The following ITGAV variants were observed in gnomAD, a reference collection of about 807,000 sequenced individuals.
ITGAV encodes integrin subunit alpha V.
Under a neutral mutation model 143.8 loss-of-function variants are expected in ITGAV, and 76 were observed. That is an observed-to-expected ratio of 0.53 (90% CI 0.44 to 0.64). The LOEUF is 0.64. Among genes scored for constraint, ITGAV ranks in the 30% least tolerant of loss-of-function variants. The probability of loss-of-function intolerance (pLI) is 0.00; values close to 1 mark genes in which losing one functional copy is unlikely to be tolerated. For synonymous variants in ITGAV, 453 were observed against 446.7 expected (o/e 1.01, Z -0.18); for missense variants, 1,193 against 1,274.7 (o/e 0.94, Z 0.98).
At chr2:186,652,699 A>G (rs1009408510) in intron 15 of ITGAV, among the ~76,000 whole-genome samples, 1 of 152,222 alleles carries the variant, frequency 6.6e-6, no homozygotes, top group Non-Finnish European at 1.5e-5. Context: ...ATGAACACTT[A>G]CATTTTTAAA....
At chr2:186,598,870 G>A (rs186775913) in intron 1 of ITGAV, among the ~76,000 whole-genome samples, 8 of 152,268 alleles carry the variant, frequency 5.3e-5, no homozygotes, top group Admixed American at 5.2e-4. Context: ...ATTAAATAGG[G>A]CGTGGTTTGG....
chr2:186,595,898 A>C (rs1482315481), intron 1 of ITGAV, among the ~76,000 whole-genome samples: 1 of 152,184 alleles, frequency 6.6e-6, no homozygotes, highest in Non-Finnish European at 1.5e-5. Flanking sequence ...GAAATGTTTA[A>C]GCTGGCTTTT....
intron 2 of ITGAV, among the ~76,000 whole-genome samples, chr2:186,603,424 A>C (rs143121974): frequency 1.3e-5 from 2 of 152,234 alleles, no homozygotes; most frequent in African/African-American, 4.8e-5. Context: ...CCAGCTGTTA[A>C]TGGGAACCAG....
chr2:186,632,111 C>T (rs1687829078), intron 5 of ITGAV, among the ~76,000 whole-genome samples: 1 of 151,880 alleles, frequency 6.6e-6, no homozygotes, highest in Non-Finnish European at 1.5e-5. Flanking sequence ...TTATAGTTAA[C>T]TCTTCTTACT....
At chr2:186,625,311 G>A (rs1413684843) in intron 3 of ITGAV, among the ~76,000 whole-genome samples, 162 bp from the exon 4 acceptor site, 2 of 152,156 alleles carry the variant, frequency 1.3e-5, no homozygotes, top group Admixed American at 1.3e-4. Flanking sequence ...GTTCAAGGCT[G>A]CAGTGAGCCA....
intron 1 of ITGAV, among the ~76,000 whole-genome samples, chr2:186,595,877 A>G (rs1431115069): frequency 2.0e-5 from 3 of 152,178 alleles, no homozygotes; most frequent in Non-Finnish European, 4.4e-5. Flanking sequence ...CCACCTCGCC[A>G]CCATTGATAA....
intron 28 of ITGAV, 42 bp from the exon 29 acceptor site, chr2:186,676,771 C>T (rs766420619): frequency 6.3e-7 from 1 of 1,593,082 alleles, no homozygotes; most frequent in African/African-American, 1.4e-5. Context: ...TTGATTAAGT[C>T]AATGGACTGT....
At chr2:186,667,436 A>C (rs1051111372) in intron 23 of ITGAV, among the ~76,000 whole-genome samples, 1 of 152,228 alleles carries the variant, frequency 6.6e-6, no homozygotes, top group Non-Finnish European at 1.5e-5. Context: ...CATGGCAACA[A>C]CATGCACAAA....
intron 1 of ITGAV, among the ~76,000 whole-genome samples, chr2:186,593,403 G>A (rs960379687): frequency 1.5e-4 from 22 of 151,414 alleles, no homozygotes; most frequent in Admixed American, 1.3e-4. Flanking sequence ...AGTCAGGTTC[G>A]AAGTAAAAAT....
At chr2:186,673,939 A>G (rs1350577821) in intron 26 of ITGAV, among the ~76,000 whole-genome samples, 1 of 152,088 alleles carries the variant, frequency 6.6e-6, no homozygotes, top group Non-Finnish European at 1.5e-5. Context: ...CGAAAGTTCT[A>G]GAATTACAAA....
intron 26 of ITGAV, among the ~76,000 whole-genome samples, chr2:186,671,553 T>C (rs1490790377): frequency 3.3e-5 from 5 of 152,176 alleles, no homozygotes; most frequent in Admixed American, 2.0e-4. Flanking sequence ...AACTGCCTTC[T>C]ACCTCCCAAC....
chr2:186,635,211 T>G (rs1367981019), intron 6 of ITGAV, among the ~76,000 whole-genome samples: 1 of 152,202 alleles, frequency 6.6e-6, no homozygotes, highest in Non-Finnish European at 1.5e-5. Context: ...GATGTCACCC[T>G]GGATAAGTAC....
rs1392922026 is a variant in ITGAV, at chr2:186,609,994, G to A, written c.316+7843G>A. On this transcript the variant is annotated intron_variant, in intron 2 of 29. Transcript: ENST00000261023. ...TAGAGTATTATATTAGAGATAGAAG[G>A]ATCTAGAGCCCCATAGGGACATCTT... 2.6e-5 allele frequency among the ~76,000 whole-genome samples: 4 copies of A among 151,576 alleles called. No homozygotes were observed. In the South Asian group the frequency reaches 8.3e-4, roughly 32 times the overall value.
At chr2:186,623,935 G>T (rs1281913256) in intron 3 of ITGAV, among the ~76,000 whole-genome samples, 1 of 152,054 alleles carries the variant, frequency 6.6e-6, no homozygotes, top group Non-Finnish European at 1.5e-5. Flanking sequence ...TACCCTAACT[G>T]CAAGAAGGAC....
chr2:186,603,649 G>A (rs1026949478), intron 2 of ITGAV, among the ~76,000 whole-genome samples: 2 of 152,132 alleles, frequency 1.3e-5, no homozygotes, highest in African/African-American at 4.8e-5. Flanking sequence ...ACTAATAAAA[G>A]GAAACCACAG....
intron 21 of ITGAV, 151 bp from the exon 22 acceptor site, chr2:186,666,553 A>G (rs1220052282): frequency 4.6e-6 from 2 of 431,138 alleles, no homozygotes; most frequent in African/African-American, 2.0e-5. Flanking sequence ...AATAGGTTTG[A>G]TAGAAAATAA....
At chr2:186,592,830 A>G (rs1336832950) in intron 1 of ITGAV, among the ~76,000 whole-genome samples, 1 of 152,226 alleles carries the variant, frequency 6.6e-6, no homozygotes, top group Non-Finnish European at 1.5e-5. Flanking sequence ...CTCTAGGTAT[A>G]GGTAACTTAA....
At chr2:186,630,927 A>G in intron 5 of ITGAV, 69 bp downstream of exon 5, 1 of 760,884 alleles carries the variant, frequency 1.3e-6, no homozygotes, top group South Asian at 1.7e-5. Flanking sequence ...TTAAAAATAA[A>G]CTGGTCAATA....
At chr2:186,604,147 C>T (rs1686992015) in intron 2 of ITGAV, among the ~76,000 whole-genome samples, 1 of 151,950 alleles carries the variant, frequency 6.6e-6, no homozygotes, top group South Asian at 2.1e-4. Flanking sequence ...CCTGAGACTA[C>T]AGGTTTGGCC....
Sources: allele counts gnomAD v4.1 joint callset (sites outside exome capture counted in the v4.1 genomes callset), GRCh38; gene constraint gnomAD v4.1.1; transcripts MANE v1.5; gene names NCBI Gene and HGNC (gene_info 2026-07-23, HGNC 2026-07-21).